Variants in DDX60 observed in about 807,000 individuals in gnomAD.
The protein encoded by DDX60 is DExD/H-box helicase 60, also known as probable ATP-dependent RNA helicase DDX60.
In DDX60, 165 loss-of-function variants were observed where a neutral mutation model predicts 212.8. The observed-to-expected ratio is 0.78, with a 90% CI of 0.68 to 0.88. The LOEUF is 0.88. Ranked by LOEUF, DDX60 falls within the 40% of genes least tolerant of loss-of-function variation. The pLI, the probability that DDX60 is intolerant of heterozygous loss-of-function variation, is 0.00. For missense variants in DDX60, 1,905 were observed against 2,003.9 expected, an observed-to-expected ratio of 0.95 and a Z score of 0.94; for synonymous variants, 703 against 685.3, an observed-to-expected ratio of 1.03 and a Z score of -0.40.
chr4:168,280,296 T>C, intron 14 of DDX60, 39 bp downstream of exon 14: 1 of 1,569,852 alleles, frequency 6.4e-7, no homozygotes. Flanking sequence ...TTTGTATTAA[T>C]TCTCCAACTC....
At chr4:168,297,374 GAAAGAAAGAGAAAGAAAGAAAGAAAGAA>G (rs1736438973) in intron 6 of DDX60, among the ~76,000 whole-genome samples, 2 of 54,670 alleles carry the variant, frequency 3.7e-5, no homozygotes, top group Admixed American at 1.6e-4. Context: ...AAGAAAGAAA[GAAAGAAAGAGAAAGAAAGAAAGAAAGAA>G]AGACAATAAA....
intron 17 of DDX60, 137 bp from the exon 18 acceptor site, chr4:168,273,535 C>G: frequency 1.1e-6 from 1 of 916,578 alleles, no homozygotes; most frequent in Non-Finnish European, 1.6e-6. Flanking sequence ...ACCCACTACT[C>G]TAAACACACT....
chr4:168,261,793 C>G (rs959112683), intron 24 of DDX60, among the ~76,000 whole-genome samples: 1 of 152,146 alleles, frequency 6.6e-6, no homozygotes, highest in Non-Finnish European at 1.5e-5. Flanking sequence ...GCCTCTGGCA[C>G]ATGGTTCAGA....
At chr4:168,310,054 C>T (rs145253417) in intron 3 of DDX60, among the ~76,000 whole-genome samples, 57 of 152,238 alleles carry the variant, frequency 3.7e-4, no homozygotes, top group African/African-American at 1.2e-3. Flanking sequence ...ACACATTTTC[C>T]GAATTAGTTA....
At chr4:168,231,042 G>A (rs899886359) in intron 33 of DDX60, among the ~76,000 whole-genome samples, 25 of 149,142 alleles carry the variant, frequency 1.7e-4, no homozygotes, top group Non-Finnish European at 3.3e-4. Flanking sequence ...ACAGAAGTAC[G>A]AAAAAAAAAA....
At chr4:168,220,271 C>A (rs572566194) in intron 37 of DDX60, among the ~76,000 whole-genome samples, 1 of 152,224 alleles carries the variant, frequency 6.6e-6, no homozygotes, top group East Asian at 1.9e-4. Flanking sequence ...AAACTAGAGA[C>A]CGGATGGAAC....
intron 30 of DDX60, among the ~76,000 whole-genome samples, chr4:168,238,472 GGGAA>G (rs1733720982): frequency 1.4e-5 from 2 of 140,072 alleles, no homozygotes; most frequent in Admixed American, 1.4e-4. Flanking sequence ...GGGAAGGGAA[GGGAA>G]GGGAAGGGGA....
Position 168,279,697 on chromosome 4 carries a change from G to T in DDX60, c.1978+638C>A, listed in dbSNP as rs113327288. On this transcript the variant is annotated intron_variant, in intron 14 of 37. Transcript: ENST00000393743. ...GATTGATAGAGAGAGATTTGCCAAC[G>T]TGTTTGATAAAGAAGTGAAACAACA... 5.7e-3 allele frequency among the ~76,000 whole-genome samples: 874 copies of T among 152,312 alleles called. 3 individuals carry two copies. Among genetic ancestry groups the T allele is most frequent in the Middle Eastern group, 0.01 (3 of 294 alleles).
chr4:168,239,873 T>C (rs1244082582), intron 30 of DDX60, among the ~76,000 whole-genome samples: 1 of 151,694 alleles, frequency 6.6e-6, no homozygotes, highest in African/African-American at 2.4e-5. Context: ...CCTATGAAAA[T>C]TGTTTTCTAT....
Position 168,273,273 on chromosome 4 carries a change from C to A in DDX60, c.2574+6G>T. 6.2e-7 allele frequency: 1 copy of A among 1,610,138 alleles called. No individual in the cohort carries two copies. The highest frequency in any genetic ancestry group is 2.2e-5 in the East Asian group (1 of 44,708). On this transcript the variant is annotated splice_donor_region_variant and intron_variant, in intron 18 of 37. Transcript: ENST00000393743. ...GATAACACACTTATTAATTAAAATACCCTACCTGACAGTTTAAGGCATCAT... is the reference window on the plus strand; with the variant it reads ...GATAACACACTTATTAATTAAAATAACCTACCTGACAGTTTAAGGCATCAT...
rs1236588976 is a variant in DDX60 at position 168,306,724 on chromosome 4, T to G, written c.265-4A>C. On this transcript the variant is annotated splice_region_variant and splice_polypyrimidine_tract_variant and intron_variant, in intron 4 of 37. Transcript: ENST00000393743. Reference sequence around the variant, plus strand: ...TGAAATACGCATACTCGGCATCCTGTGGAGGAGGAGGTGAAGTACATTTTA... The same window carrying G: ...TGAAATACGCATACTCGGCATCCTGGGGAGGAGGAGGTGAAGTACATTTTA... The G allele has an allele frequency of 6.3e-7, 1 of 1,598,422 alleles. No homozygotes were observed. The highest frequency in any genetic ancestry group is 1.3e-5 in the African/African-American group (1 of 74,290).
At chr4:168,244,887 AT>A (rs1398438918) in intron 30 of DDX60, among the ~76,000 whole-genome samples, 1 of 152,170 alleles carries the variant, frequency 6.6e-6, no homozygotes. Context: ...ATAAAAAAAA[AT>A]AGCAATGAAA....
intron 30 of DDX60, among the ~76,000 whole-genome samples, chr4:168,241,585 A>G (rs1733840694): frequency 6.6e-6 from 1 of 152,168 alleles, no homozygotes; most frequent in African/African-American, 2.4e-5. Flanking sequence ...TGCCTGAGAG[A>G]TTTATGGAAC....
intron 14 of DDX60, among the ~76,000 whole-genome samples, chr4:168,278,474 T>C (rs1230421225): frequency 2.0e-5 from 3 of 152,202 alleles, no homozygotes; most frequent in Non-Finnish European, 2.9e-5. Context: ...CCCATTTTCT[T>C]CAAATATAGG....
At chr4:168,275,291 G>T in intron 16 of DDX60, 54 bp downstream of exon 16, 1 of 1,460,756 alleles carries the variant, frequency 6.8e-7, no homozygotes, top group Non-Finnish European at 9.2e-7. Flanking sequence ...AGAAACCTCT[G>T]AGATCACATA....
chr4:168,257,728 A>C (rs950678425), intron 25 of DDX60, among the ~76,000 whole-genome samples: 1 of 152,238 alleles, frequency 6.6e-6, no homozygotes, highest in African/African-American at 2.4e-5. Flanking sequence ...ACAAAACCAA[A>C]GAAAAAATAT....
Position 168,246,625 on chromosome 4 carries a change from A to G in DDX60, c.3964-7T>C, listed in dbSNP as rs777494087. The G allele has an allele frequency of 6.2e-7, 1 of 1,613,808 alleles. No homozygotes were observed. The highest frequency in any genetic ancestry group is 8.5e-7 in the Non-Finnish European group (1 of 1,179,850). ...TTCCAGCACGGCCAGACATCTGAAAAGAGAATAGAATTACAATGTAAAACT... is the reference window on the plus strand; with the variant it reads ...TTCCAGCACGGCCAGACATCTGAAAGGAGAATAGAATTACAATGTAAAACT... On this transcript the variant is annotated splice_region_variant and splice_polypyrimidine_tract_variant and intron_variant, in intron 29 of 37. Coordinates refer to ENST00000393743, the MANE Select transcript of DDX60 (RefSeq NM_017631.6).
intron 3 of DDX60, 34 bp from the exon 4 acceptor site, chr4:168,308,229 T>A (rs1414062121): frequency 1.6e-6 from 2 of 1,263,188 alleles, no homozygotes; most frequent in Middle Eastern, 2.2e-4. Flanking sequence ...AAAAATCACA[T>A]ATGCATTAAA....
intron 35 of DDX60, 113 bp from the exon 36 acceptor site, chr4:168,221,994 T>C: frequency 8.7e-7 from 1 of 1,145,858 alleles, no homozygotes; most frequent in Non-Finnish European, 1.2e-6. Flanking sequence ...AAGCCCACTC[T>C]TCACTGTGAA....
Sources: gnomAD v4.1 joint callset for allele counts (sites outside exome capture counted in the v4.1 genomes callset) on GRCh38, gnomAD v4.1.1 for gene constraint, MANE v1.5 for transcripts, NCBI Gene and HGNC (gene_info 2026-07-23, HGNC 2026-07-21) for gene names.